Variants in PIP5K1A observed in about 807,000 individuals in gnomAD.
The protein encoded by PIP5K1A is phosphatidylinositol 4-phosphate 5-kinase type-1 alpha.
PIP5K1A carries 46 observed loss-of-function variants against 72.9 expected under a neutral mutation model. The observed-to-expected ratio is 0.63, with a 90% confidence interval of 0.50 to 0.81. The LOEUF (loss-of-function observed/expected upper bound fraction) is 0.81, where lower values mean the gene tolerates loss of function less well. Ranked by LOEUF, PIP5K1A falls within the 30% of genes least tolerant of loss-of-function variation. PIP5K1A has a pLI of 0.00. For synonymous variants in PIP5K1A, 228 were observed against 255.1 expected (o/e 0.89, Z 1.01); for missense variants, 458 against 706.1 (o/e 0.65, Z 3.98).
intron 1 of PIP5K1A, among the ~76,000 whole-genome samples, chr1:151,222,598 C>T (rs1688532132): frequency 6.6e-6 from 1 of 152,100 alleles, no homozygotes; most frequent in African/African-American, 2.4e-5. Flanking sequence ...TGGTAACTAC[C>T]AGACTAGAAG....
intron 12 of PIP5K1A, 87 bp from the exon 13 acceptor site, chr1:151,242,036 T>G: frequency 7.2e-7 from 1 of 1,385,514 alleles, no homozygotes; most frequent in East Asian, 2.3e-5. Context: ...GGGTGTGTGT[T>G]GGGGATACTA....
intron 1 of PIP5K1A, among the ~76,000 whole-genome samples, chr1:151,220,839 C>T (rs903195358): frequency 6.6e-6 from 1 of 152,134 alleles, no homozygotes; most frequent in Admixed American, 6.6e-5. Flanking sequence ...CCTCTACCTC[C>T]CTGGAATATT....
chr1:151,246,985 G>C lies in PIP5K1A; in HGVS notation c.1686+20G>C. On this transcript the variant is annotated intron_variant, in intron 15 of 15. Transcript: ENST00000368888. The stretch of plus-strand genomic sequence containing the variant: ...ACCCATGTGAGTATCTGGGATGTGT[G>C]GGAGGTGAACGTTTTGCAAGGTATA... The C allele has an allele frequency of 6.2e-7, 1 of 1,606,404 alleles. No individual in the cohort carries two copies. The highest frequency in any genetic ancestry group is 2.2e-5 in the East Asian group (1 of 44,828).
At chr1:151,221,195 C>T (rs1688350319) in intron 1 of PIP5K1A, among the ~76,000 whole-genome samples, 2 of 152,164 alleles carry the variant, frequency 1.3e-5, no homozygotes, top group African/African-American at 4.8e-5. Flanking sequence ...TTTATACAAA[C>T]ATAAGTTGTT....
chr1:151,202,602 A>G (rs1685357201), intron 1 of PIP5K1A, among the ~76,000 whole-genome samples: 1 of 151,222 alleles, frequency 6.6e-6, no homozygotes, highest in Non-Finnish European at 1.5e-5. Context: ...CTCCCAAGTA[A>G]CAGATTACAG....
intron 1 of PIP5K1A, among the ~76,000 whole-genome samples, chr1:151,219,207 C>G (rs1001525179): frequency 6.6e-6 from 1 of 151,792 alleles, no homozygotes; most frequent in African/African-American, 2.4e-5. Flanking sequence ...ATGGCGAAAC[C>G]CTGTCTGTAC....
At position 151,242,704 on chromosome 1, in the gene PIP5K1A, C is replaced by T. The variant is rs1571012794; in HGVS notation, c.1640+137C>T. On this transcript the variant is annotated intron_variant, in intron 14 of 15. Coordinates refer to ENST00000368888, the MANE Select transcript of PIP5K1A (RefSeq NM_001135638.2). Reference sequence around the variant, plus strand: ...AAATAACAAACATATATCATACTTTCTGTGGGTCAGGAATCCAGGCCCAGC... The same window carrying T: ...AAATAACAAACATATATCATACTTTTTGTGGGTCAGGAATCCAGGCCCAGC... 4 of 791,516 alleles carry T rather than the reference C, an allele frequency of 5.1e-6. No homozygotes were observed. In the African/African-American group the frequency reaches 5.2e-5, roughly 10 times the overall value. 49.0% of individuals were successfully genotyped at this position (791,516 alleles called of 1,614,324 possible).
In PIP5K1A at chr1:151,232,590, T is replaced by C. The variant is rs1690258667; in HGVS notation, c.526T>C (p.Ser176Pro). ...TGAGCCGCTGATTGAACTCTGTAGCTCTGGAGCTAGTGGTTCCCTATTCTA... is the reference window on the plus strand; with the variant it reads ...TGAGCCGCTGATTGAACTCTGTAGCCCTGGAGCTAGTGGTTCCCTATTCTA... ...CSEPLIELCS[S>P]GASGSLFYVS... Residue 176 changes from serine (S) to proline (P), a missense_variant, in exon 7 of 16, where the codon TCT becomes CCT. By Grantham distance (74) the Ser-to-Pro change is moderately conservative. Transcript: ENST00000368888. 1.2e-6 allele frequency: 2 copies of C among 1,610,170 alleles called. No individual in the cohort carries two copies. Among genetic ancestry groups the C allele is most frequent in the Non-Finnish European group, 8.5e-7 (1 of 1,179,090 alleles).
Position 151,232,535 on chromosome 1 carries a change from T to A in PIP5K1A, c.487-16T>A. The A allele has an allele frequency of 6.3e-7, 1 of 1,592,772 alleles. No homozygotes were observed. The highest frequency in any genetic ancestry group is 1.8e-5 in the Admixed American group (1 of 54,870). ...TGATGTGTCTAAATCTCTTAGTTCTTCTCTGTTTGCCCCAGTATTCCCTCT... is the reference window on the plus strand; with the variant it reads ...TGATGTGTCTAAATCTCTTAGTTCTACTCTGTTTGCCCCAGTATTCCCTCT... On this transcript the variant is annotated splice_polypyrimidine_tract_variant and intron_variant, in intron 6 of 15. Transcript: ENST00000368888.
intron 14 of PIP5K1A, among the ~76,000 whole-genome samples, chr1:151,244,194 AGTC>A (rs71090147): frequency 0.15 from 21,862 of 149,126 alleles, 1,696 homozygotes; most frequent in Admixed American, 0.18. Context: ...AAAAAAAAAA[AGTC>A]GTGAAAATGT....
At chr1:151,232,724 G>A in intron 7 of PIP5K1A, 21 bp downstream of exon 7, 3 of 1,608,680 alleles carry the variant, frequency 1.9e-6, no homozygotes, top group Non-Finnish European at 2.5e-6. Flanking sequence ...GAGAAGCACT[G>A]TCCACCTGTG....
At chr1:151,226,105 T>G (rs1570903570) in intron 3 of PIP5K1A, among the ~76,000 whole-genome samples, 2 of 150,040 alleles carry the variant, frequency 1.3e-5, no homozygotes, top group African/African-American at 2.4e-5. Context: ...TTTTTTTTTT[T>G]GAGACAGAGT....
At chr1:151,206,475 G>A (rs1479582447) in intron 1 of PIP5K1A, among the ~76,000 whole-genome samples, 1 of 152,162 alleles carries the variant, frequency 6.6e-6, no homozygotes, top group East Asian at 1.9e-4. Flanking sequence ...AGCAAAGGAA[G>A]TTGGCGAGAG....
In PIP5K1A at chr1:151,235,535, A is replaced by G. The variant is rs140354748; in HGVS notation, c.940-1023A>G. ...GAAACTCTCTCTTTAATATCTTTAT[A>G]TCTCTGTAAGGAGGCACAGTGCCTA... On this transcript the variant is annotated intron_variant, in intron 8 of 15. Coordinates refer to ENST00000368888, the MANE Select transcript of PIP5K1A (RefSeq NM_001135638.2). Among the ~76,000 whole-genome samples, 1,331 of 152,300 alleles carry G rather than the reference A, an allele frequency of 8.7e-3. 28 individuals are homozygous for G. The highest frequency in any genetic ancestry group is 0.03 in the African/African-American group (1,262 of 41,542).
rs1459562642 is a variant in PIP5K1A, at chr1:151,227,306, G to C, written c.157-14G>C. The stretch of plus-strand genomic sequence containing the variant: ...TACATGGGAATTGTATTATAATCTT[G>C]ACTCTTCTTCTAGGTGCCTTATGCC... On this transcript the variant is annotated splice_polypyrimidine_tract_variant and intron_variant, in intron 3 of 15. Coordinates refer to ENST00000368888, the MANE Select transcript of PIP5K1A (RefSeq NM_001135638.2). 1 of 1,566,778 alleles carries C rather than the reference G, an allele frequency of 6.4e-7. No homozygotes were observed. Among genetic ancestry groups the C allele is most frequent in the South Asian group, 1.1e-5 (1 of 89,966 alleles).
At chr1:151,240,291 C>A in intron 12 of PIP5K1A, 1 of 453,590 alleles carries the variant, frequency 2.2e-6, no homozygotes, top group Non-Finnish European at 3.9e-6. Flanking sequence ...TTGGGATTTG[C>A]AAAAAAATAA....
intron 1 of PIP5K1A, among the ~76,000 whole-genome samples, chr1:151,219,143 G>T (rs1688034253): frequency 6.6e-6 from 1 of 152,180 alleles, no homozygotes; most frequent in Non-Finnish European, 1.5e-5. Flanking sequence ...CACTTTGGAA[G>T]GATGAGGTGG....
In PIP5K1A at chr1:151,242,459, A is replaced by C. The variant is rs1317043371; in HGVS notation, c.1532A>C (p.Asp511Ala). Residue 511 changes from aspartate to alanine, a missense_variant, in exon 14 of 16, where the codon GAT (aspartate) becomes GCT (alanine). Asp to Ala is a moderately radical substitution (Grantham distance 126). Transcript: ENST00000368888. ...CCAGGCGTTCACCTTGGTCGTCCTGATGTTTTACCTCAGACTCCACCTTTG... is the reference window on the plus strand; with the variant it reads ...CCAGGCGTTCACCTTGGTCGTCCTGCTGTTTTACCTCAGACTCCACCTTTG... ...VEPGVHLGRP[D>A]VLPQTPPLEE... 1.2e-6 allele frequency: 2 copies of C among 1,613,906 alleles called. No homozygotes were observed. The highest frequency in any genetic ancestry group is 3.3e-5 in the Admixed American group (2 of 59,984).
intron 5 of PIP5K1A, 98 bp from the exon 6 acceptor site, chr1:151,232,150 C>A: frequency 1.2e-6 from 1 of 805,942 alleles, no homozygotes; most frequent in Non-Finnish European, 2.2e-6. Flanking sequence ...TATTCCCCCA[C>A]TCCCCCCACC....
Sources: allele counts gnomAD v4.1 joint callset (sites outside exome capture counted in the v4.1 genomes callset), GRCh38; gene constraint gnomAD v4.1.1; transcripts MANE v1.5; gene names NCBI Gene and HGNC (gene_info 2026-07-23, HGNC 2026-07-21).